Variants in CETP observed in about 807,000 individuals in gnomAD.
The protein encoded by CETP is cholesteryl ester transfer protein, also known as BPI fold containing family F.
CETP carries 56 observed loss-of-function variants against 66.5 expected under a neutral mutation model. The ratio of observed to expected loss-of-function variants is 0.84; its 90% CI spans 0.68 to 1.05. The LOEUF is 1.05. Among genes scored for constraint, CETP ranks in the 50% least tolerant of loss-of-function variants. The pLI is 0.00. For missense variants in CETP, 612 were observed against 609.6 expected (o/e 1.00, Z -0.04); for synonymous variants, 251 against 245.7 (o/e 1.02, Z -0.20).
intron 6 of CETP, 101 bp from the exon 7 acceptor site, chr16:56,971,220 C>T: frequency 6.6e-7 from 1 of 1,509,042 alleles, no homozygotes; most frequent in Non-Finnish European, 9.2e-7. Context: ...TGGCCAGTCC[C>T]CTGTGCCGGT....
intron 14 of CETP, 26 bp downstream of exon 14, chr16:56,982,263 G>A: frequency 1.2e-6 from 2 of 1,609,212 alleles, no homozygotes; most frequent in Non-Finnish European, 1.7e-6. Context: ...AGGGGAAACT[G>A]GGTGCCGAGG....
rs112877683 is a variant in CETP, at chr16:56,978,881, G to A, written c.1146+626G>A. ...CACTGTGTTGCCCAGGCTGGAGTGC[G>A]GTGGCACAATCTCGGCTCACTACAA... On this transcript the variant is annotated intron_variant, in intron 11 of 15. Transcript: ENST00000200676. Among the ~76,000 whole-genome samples, 1,276 of 151,976 alleles carry A rather than the reference G, an allele frequency of 8.4e-3. 6 individuals are homozygous for A. Among genetic ancestry groups the A allele is most frequent in the Non-Finnish European group, 0.012 (800 of 67,956 alleles).
Position 56,983,756 on chromosome 16 carries a change from G to A in CETP, c.*90G>A. 2.4e-6 allele frequency: 3 copies of A among 1,259,754 alleles called. No individual in the cohort carries two copies. Among genetic ancestry groups the A allele is most frequent in the African/African-American group, 1.5e-5 (1 of 68,128 alleles). The allele number at this position is 1,259,754 out of a possible 1,614,324, so 78.0% of individuals were successfully genotyped here. On this transcript the variant is annotated 3_prime_UTR_variant, in exon 16 of 16. Transcript: ENST00000200676. ...CCCTGGTGTCTCCTCCAGCGTGGTG[G>A]AAGTTGGGTTAGGAGTACGGAGATG...
At position 56,971,377 on chromosome 16, in the gene CETP, G is replaced by A. The variant is rs550677685; in HGVS notation, c.654G>A (p.Arg218=). Residue 218 remains arginine (R), a synonymous_variant, in exon 7 of 16, where the codon AGG becomes AGA. Transcript: ENST00000200676. The part of the protein sequence containing the change: ...SNIMADFVQT[R]AASILSDGDI... The stretch of plus-strand genomic sequence containing the variant: ...TCATGGCCGATTTTGTCCAGACAAG[G>A]GCTGGTGAGTGCGTTTCTGTCTGCA... The A allele has an allele frequency of 1.2e-6, 2 of 1,613,960 alleles. No individual in the cohort carries two copies. Among genetic ancestry groups the A allele is most frequent in the South Asian group, 1.1e-5 (1 of 91,080 alleles).
In CETP at chr16:56,982,235, CT is replaced by C; in HGVS notation, c.1320del (p.Arg441GlyfsTer4). 2 of 1,614,038 alleles carry C rather than the reference CT, an allele frequency of 1.2e-6. No individual in the cohort carries two copies. The highest frequency in any genetic ancestry group is 1.7e-6 in the Non-Finnish European group (2 of 1,179,912). On this transcript the variant is annotated frameshift_variant and splice_region_variant, in exon 14 of 16. Coordinates refer to ENST00000200676, the MANE Select transcript of CETP (RefSeq NM_000078.3). LOFTEE classifies it high-confidence loss of function. ...ITAVGIPEVMSRLEVVFTALM... is the reference protein window; with the variant it reads ...ITAVGIPEVMXRLEVVFTALM... Reference sequence around the variant, plus strand: ...GCTGTGGGCATCCCTGAGGTCATGTCTCGTAAGTGTGGGCTGGAGGGGAAAC... The same window carrying C: ...GCTGTGGGCATCCCTGAGGTCATGTCCGTAAGTGTGGGCTGGAGGGGAAAC...
At chr16:56,969,774 GC>G (rs1304371628) in intron 4 of CETP, 93 bp downstream of exon 4, 14 of 1,563,032 alleles carry the variant, frequency 9.0e-6, no homozygotes, top group Non-Finnish European at 1.2e-5. Flanking sequence ...GGGTTCTGGG[GC>G]CACCAAAGGA....
Position 56,973,466 on chromosome 16 carries a change from C to T in CETP, c.886C>T (p.Gln296Ter), listed in dbSNP as rs2056128127. 1 of 1,614,112 alleles carries T rather than the reference C, an allele frequency of 6.2e-7. No individual in the cohort carries two copies. The highest frequency in any genetic ancestry group is 8.5e-7 in the Non-Finnish European group (1 of 1,180,048). The stretch of plus-strand genomic sequence containing the variant: ...CCACTCGCTGGCCAAGGTAGCTTTC[C>T]AGGATGGCCGCCTCATGCTCAGCCT... ...VFHSLAKVAF[Q>*]DGRLMLSLMG... is the part of the protein sequence containing the mutation. The change falls in exon 9 of 16, where the codon CAG becomes TAG. Residue 296 changes from glutamine (Q) to a stop codon, truncating the protein, a stop_gained. Coordinates refer to ENST00000200676, the MANE Select transcript of CETP (RefSeq NM_000078.3). LOFTEE classifies it high-confidence loss of function.
rs761776694 is a variant in CETP, at chr16:56,971,356, G to A, written c.633G>A (p.Met211Ile). Residue 211 changes from methionine to isoleucine, a missense_variant, in exon 7 of 16, where the codon ATG becomes ATA. By Grantham distance (10) the Met-to-Ile change is conservative. Transcript: ENST00000200676. ...AGATCAACGTCATCTCTAACATCAT[G>A]GCCGATTTTGTCCAGACAAGGGCTG... The part of the protein sequence containing the change: ...CKEINVISNI[M>I]ADFVQTRAAS... 1 of 1,613,998 alleles carries A rather than the reference G, an allele frequency of 6.2e-7. No individual in the cohort carries two copies. The highest frequency in any genetic ancestry group is 1.1e-5 in the South Asian group (1 of 91,072).
Position 56,983,357 on chromosome 16 carries a change from C to G in CETP, c.1353C>G (p.Asn451Lys). 1 of 1,614,270 alleles carries G rather than the reference C, an allele frequency of 6.2e-7. No individual in the cohort carries two copies. The highest frequency in any genetic ancestry group is 8.5e-7 in the Non-Finnish European group (1 of 1,180,050). ...AGGTAGTGTTTACAGCCCTCATGAA[C>G]AGCAAAGGCGTGAGCCTCTTCGACA... ...RLEVVFTALM[N>K]SKGVSLFDII... Residue 451 changes from asparagine (N) to lysine (K), a missense_variant, in exon 15 of 16, where the codon AAC becomes AAG. Physicochemically the swap from Asn to Lys is moderately conservative, Grantham distance 94 (BLOSUM62 0). Transcript: ENST00000200676.
At chr16:56,969,747 G>T (rs2056095397) in intron 4 of CETP, 66 bp downstream of exon 4, 1 of 1,594,872 alleles carries the variant, frequency 6.3e-7, no homozygotes, top group Admixed American at 1.7e-5. Context: ...AGCAGAGGGG[G>T]AGGTTGTGCA....
intron 9 of CETP, 72 bp downstream of exon 9, chr16:56,973,582 G>C: frequency 6.5e-7 from 1 of 1,539,802 alleles, no homozygotes; most frequent in Admixed American, 1.8e-5. Flanking sequence ...ACACGCATGG[G>C]GAGGAGGGAG....
rs978060132 is a variant in CETP, at chr16:56,966,304, A to G, written c.234-3082A>G. ...ATCTACTTTTATTTAGGGCGAGGGA[A>G]GCTTCCTGCTCTGACTTTCTCATTT... On this transcript the variant is annotated intron_variant, in intron 2 of 15. Transcript: ENST00000200676. Among the ~76,000 whole-genome samples the G allele has an allele frequency of 3.3e-5, 5 of 152,212 alleles. No individual in the cohort carries two copies. In the East Asian group the frequency reaches 9.6e-4, roughly 29 times the overall value.
Position 56,983,393 on chromosome 16 carries a change from T to C in CETP, c.1389T>C (p.Pro463=). ...KGVSLFDIIN[P]EIITRDGFLL... Reference sequence around the variant, plus strand: ...TGAGCCTCTTCGACATCATCAACCCTGAGATTATCACTCGAGATGTGAGTA... The same window carrying C: ...TGAGCCTCTTCGACATCATCAACCCCGAGATTATCACTCGAGATGTGAGTA... The change falls in exon 15 of 16, where the codon CCT becomes CCC. Residue 463 remains proline (P), a synonymous_variant. Transcript: ENST00000200676. The C allele has an allele frequency of 6.2e-7, 1 of 1,612,834 alleles. No homozygotes were observed. Among genetic ancestry groups the C allele is most frequent in the Non-Finnish European group, 8.5e-7 (1 of 1,178,846 alleles).
At chr16:56,979,484 G>C (rs188510105) in intron 11 of CETP, among the ~76,000 whole-genome samples, 357 of 151,896 alleles carry the variant, frequency 2.4e-3, no homozygotes, top group Non-Finnish European at 4.0e-3. Flanking sequence ...TTAAGAATCA[G>C]TATTATCTTT....
At chr16:56,975,267 C>T in intron 10 of CETP, 116 bp downstream of exon 10, 1 of 877,700 alleles carries the variant, frequency 1.1e-6, no homozygotes, top group South Asian at 1.4e-5. Flanking sequence ...TAACAGCGAA[C>T]ACAGCTCCTA....
intron 15 of CETP, 26 bp downstream of exon 15, chr16:56,983,437 C>T (rs751948933): frequency 1.2e-6 from 2 of 1,611,196 alleles, no homozygotes; most frequent in Non-Finnish European, 1.7e-6. Context: ...CCCTCACCAG[C>T]CCCTGTTCCT....
intron 2 of CETP, among the ~76,000 whole-genome samples, chr16:56,965,236 A>G (rs554411179): frequency 1.3e-5 from 2 of 152,348 alleles, no homozygotes; most frequent in South Asian, 2.1e-4. Flanking sequence ...ACTAGATGTC[A>G]TAGTCATTAA....
chr16:56,973,286 C>T, intron 8 of CETP, 45 bp from the exon 9 acceptor site: 1 of 1,605,744 alleles, frequency 6.2e-7, no homozygotes, highest in Non-Finnish European at 8.5e-7. Context: ...GACCTGAGCC[C>T]AGTAGGGACA....
intron 11 of CETP, among the ~76,000 whole-genome samples, chr16:56,978,618 C>G (rs1223843945): frequency 6.6e-6 from 1 of 151,560 alleles, no homozygotes; most frequent in Non-Finnish European, 1.5e-5. Context: ...GTAGCTGGGA[C>G]CACAGACAAA....
Sources: allele counts gnomAD v4.1 joint callset (sites outside exome capture counted in the v4.1 genomes callset), GRCh38; gene constraint gnomAD v4.1.1; transcripts MANE v1.5; gene names NCBI Gene and HGNC (gene_info 2026-07-23, HGNC 2026-07-21).